TMEM185A: variants seen among roughly 807,000 people sequenced by gnomAD.
The protein encoded by TMEM185A is family with sequence similarity 11, member A.
In TMEM185A, 9 loss-of-function variants were observed where a neutral mutation model predicts 25.0. The observed-to-expected ratio is 0.36, with a 90% CI of 0.22 to 0.63. The LOEUF (loss-of-function observed/expected upper bound fraction) is 0.63. Among genes scored for constraint, TMEM185A ranks in the 20% least tolerant of loss-of-function variants. The pLI, the probability that TMEM185A is intolerant of heterozygous loss-of-function variation, is 0.68. For synonymous variants in TMEM185A, 45 were observed against 93.5 expected (o/e 0.48, Z 2.99); for missense variants, 103 against 237.4 (o/e 0.43, Z 3.72).
At chrX:149,613,722 G>C (rs1199681818) in intron 1 of TMEM185A, among the ~76,000 whole-genome samples, 1 of 112,295 alleles carries the variant, frequency 8.9e-6, no homozygotes, top group Non-Finnish European at 1.9e-5. Context: ...AGTCCCCTTT[G>C]CCATGTAAAA....
intron 3 of TMEM185A, among the ~76,000 whole-genome samples, chrX:149,605,764 C>T (rs1015729188): frequency 8.9e-6 from 1 of 112,030 alleles, no homozygotes; most frequent in African/African-American, 3.2e-5. Context: ...AGGCCTTCTT[C>T]GGCACCATCC....
At chrX:149,625,773 G>C (rs1557355960) in intron 1 of TMEM185A, among the ~76,000 whole-genome samples, 1 of 112,588 alleles carries the variant, frequency 8.9e-6, no homozygotes. Flanking sequence ...AATTCCAGAT[G>C]AGTAACAAGG....
Position 149,631,566 on chromosome X carries a change from G to C in TMEM185A, c.15C>G (p.Gly5=). The part of the protein sequence containing the change: MNLR[G]LFQDFNPSKF... ...ACCTCGGGTTGAAGTCCTGGAAGAG[G>C]CCCCTCAGGTTCATGGCGGAGAACT... The change falls in exon 1 of 7, where the codon GGC becomes GGG. Residue 5 remains glycine (G), a synonymous_variant. Coordinates refer to ENST00000600449, the MANE Select transcript of TMEM185A (RefSeq NM_032508.4). The C allele has an allele frequency of 1.7e-6, 2 of 1,171,447 alleles. No homozygotes were observed. The highest frequency in any genetic ancestry group is 2.3e-6 in the Non-Finnish European group (2 of 875,097).
intron 1 of TMEM185A, among the ~76,000 whole-genome samples, chrX:149,626,538 C>T: frequency 8.9e-6 from 1 of 112,155 alleles, no homozygotes; most frequent in Non-Finnish European, 1.9e-5. Context: ...CCAGCCCCTC[C>T]ACACCTGTGG....
chrX:149,624,170 C>T (rs1250717071), intron 1 of TMEM185A, among the ~76,000 whole-genome samples: 1 of 112,287 alleles, frequency 8.9e-6, no homozygotes, highest in African/African-American at 3.2e-5. Context: ...ATTCACTTTT[C>T]CAGTTACACC....
intron 1 of TMEM185A, among the ~76,000 whole-genome samples, chrX:149,630,830 G>C (rs1229715796): frequency 9.0e-6 from 1 of 111,483 alleles, no homozygotes; most frequent in African/African-American, 3.3e-5. Flanking sequence ...AAGGACAGGC[G>C]CTTGAGTGCT....
chrX:149,618,994 T>C (rs142123030), intron 1 of TMEM185A, among the ~76,000 whole-genome samples: 1,384 of 111,811 alleles, frequency 0.012, 21 homozygotes, highest in African/African-American at 0.043. Context: ...CTCTTTCAGA[T>C]AATGGTAGAC....
At chrX:149,622,528 A>T (rs1461710051) in intron 1 of TMEM185A, among the ~76,000 whole-genome samples, 2 of 112,396 alleles carry the variant, frequency 1.8e-5, no homozygotes, top group African/African-American at 6.5e-5. Flanking sequence ...TACGTAGCAG[A>T]ACAAGAAAAC....
chrX:149,605,432 TGTCACTATGGCCTCCCA>T (rs1557353216), intron 3 of TMEM185A, among the ~76,000 whole-genome samples: 3 of 96,664 alleles, frequency 3.1e-5, no homozygotes, highest in East Asian at 3.8e-4. Flanking sequence ...TGGCCTCCCA[TGTCACTATGGCCTCCCA>T]TGTCACTTTC....
At chrX:149,610,633 C>A (rs2090078308) in intron 2 of TMEM185A, among the ~76,000 whole-genome samples, 1 of 110,353 alleles carries the variant, frequency 9.1e-6, no homozygotes, top group Admixed American at 9.6e-5. Context: ...TCTCGCAGGT[C>A]CCAGCAACAA....
At chrX:149,603,319 G>A (rs1334171802) in intron 4 of TMEM185A, among the ~76,000 whole-genome samples, 1 of 109,240 alleles carries the variant, frequency 9.2e-6, no homozygotes, top group Admixed American at 9.9e-5. Context: ...TTGAGACAGG[G>A]TCTTGCTACA....
At chrX:149,626,495 T>C (rs782453431) in intron 1 of TMEM185A, among the ~76,000 whole-genome samples, 1 of 112,784 alleles carries the variant, frequency 8.9e-6, no homozygotes, top group East Asian at 2.8e-4. Context: ...CATGCCTTTG[T>C]GTACTTTGTC....
At chrX:149,608,333 CTTT>C (rs781794975) in intron 3 of TMEM185A, 58 of 154,540 alleles carry the variant, frequency 3.8e-4, no homozygotes, top group East Asian at 1.2e-3. Flanking sequence ...TGAAAACATT[CTTT>C]TTTTTTTTTT....
chrX:149,611,293 T>G lies in TMEM185A; in HGVS notation c.209A>C (p.Gln70Pro), dbSNP rs1557354456. Residue 70 changes from glutamine to proline, a missense_variant, in exon 2 of 7, where the codon CAA (glutamine) becomes CCA (proline). By Grantham distance (76) the Gln-to-Pro change is moderately conservative. Coordinates refer to ENST00000600449, the MANE Select transcript of TMEM185A (RefSeq NM_032508.4). ...TTGTATAAAGCAGTATTACCGATAT[T>G]GAGGATTTCGTGCCCAGACTCCAGT... The part of the protein sequence containing the change: ...VGTGVWARNP[Q>P]YRAEGETCVE... 2 of 1,208,126 alleles carry G rather than the reference T, an allele frequency of 1.7e-6. No individual in the cohort carries two copies. The highest frequency in any genetic ancestry group is 2.2e-6 in the Non-Finnish European group (2 of 894,089).
At chrX:149,606,491 C>T (rs1557353517) in intron 3 of TMEM185A, among the ~76,000 whole-genome samples, 2 of 112,596 alleles carry the variant, frequency 1.8e-5, no homozygotes, top group Non-Finnish European at 3.8e-5. Context: ...CCCCTATTTG[C>T]CCCAATCCCT....
intron 4 of TMEM185A, chrX:149,603,619 A>G (rs2090029413): frequency 7.6e-6 from 1 of 132,295 alleles, no homozygotes; most frequent in Non-Finnish European, 1.5e-5. Context: ...CAACACTGGC[A>G]ACAATGGAAA....
chrX:149,630,043 C>T (rs1557356462), intron 1 of TMEM185A, among the ~76,000 whole-genome samples: 1 of 111,865 alleles, frequency 8.9e-6, no homozygotes. Context: ...AGAAGACATA[C>T]AGGGCTTGTC....
chrX:149,606,137 G>A (rs1408517889), intron 3 of TMEM185A, among the ~76,000 whole-genome samples: 3 of 112,200 alleles, frequency 2.7e-5, no homozygotes, highest in Non-Finnish European at 3.8e-5. Context: ...AGTGGGATGC[G>A]TGTGCCTGTC....
At chrX:149,606,290 G>A (rs782647606) in intron 3 of TMEM185A, among the ~76,000 whole-genome samples, 36 of 112,481 alleles carry the variant, frequency 3.2e-4, no homozygotes, top group Non-Finnish European at 5.3e-4. Flanking sequence ...AAGATACGAC[G>A]TCACTGAAAG....
Sources: allele counts gnomAD v4.1 joint callset (sites outside exome capture counted in the v4.1 genomes callset), GRCh38; gene constraint gnomAD v4.1.1; transcripts MANE v1.5; gene names NCBI Gene and HGNC (gene_info 2026-07-23, HGNC 2026-07-21).